RLN2: variants seen among roughly 807,000 people sequenced by gnomAD.
RLN2 encodes the protein prorelaxin H2.
RLN2 carries 10 observed loss-of-function variants against 7.3 expected under a neutral mutation model. The ratio of observed to expected loss-of-function variants is 1.36; its 90% CI spans 0.84 to 2.31. RLN2 has a LOEUF of 2.31. RLN2 is among the 30% of genes most tolerant of loss of function. RLN2 has a pLI of 0.00. For synonymous variants in RLN2, 103 were observed against 82.3 expected, an observed-to-expected ratio of 1.25 and a Z score of -1.36; for missense variants, 298 against 217.6, an observed-to-expected ratio of 1.37 and a Z score of -2.32.
At chr9:5,336,095 T>C in the RLN2 span, among the ~76,000 whole-genome samples, 2 of 152,014 alleles carry the variant, frequency 1.3e-5, no homozygotes, top group African/African-American at 4.8e-5. Context: ...TCCTGGAGGA[T>C]AAAGTTAAAG....
chr9:5,301,325 C>A (rs533658555), intron 1 of RLN2, among the ~76,000 whole-genome samples: 12 of 152,338 alleles, frequency 7.9e-5, no homozygotes, highest in African/African-American at 1.4e-4. Context: ...CTGACATCTT[C>A]CTCCATCTTT....
At chr9:5,329,977 G>A in the RLN2 span, among the ~76,000 whole-genome samples, 329 of 151,918 alleles carry the variant, frequency 2.2e-3, 4 homozygotes, top group African/African-American at 7.3e-3. Context: ...GCACCTCATC[G>A]CATTTATTAT....
the RLN2 span, among the ~76,000 whole-genome samples, chr9:5,320,511 C>A: frequency 1.3e-5 from 2 of 151,668 alleles, no homozygotes; most frequent in Non-Finnish European, 2.9e-5. Context: ...GCTGGAACGA[C>A]AGGTGTGTAC....
the RLN2 span, among the ~76,000 whole-genome samples, chr9:5,316,093 C>A: frequency 6.6e-6 from 1 of 151,860 alleles, no homozygotes; most frequent in South Asian, 2.1e-4. Flanking sequence ...TCATGTATAT[C>A]TTTAGCATGA....
At chr9:5,338,073 G>GT in the RLN2 span, among the ~76,000 whole-genome samples, 2 of 146,318 alleles carry the variant, frequency 1.4e-5, no homozygotes, top group African/African-American at 5.1e-5. Flanking sequence ...CCACTTACTT[G>GT]TTTAATATAA....
chr9:5,325,948 G>T, the RLN2 span, among the ~76,000 whole-genome samples: 2 of 151,992 alleles, frequency 1.3e-5, no homozygotes, highest in African/African-American at 2.4e-5. Context: ...ACACTGGAAA[G>T]TTCTTTTCTC....
the RLN2 span, among the ~76,000 whole-genome samples, chr9:5,329,309 C>CAAAAAAAA: frequency 4.9e-4 from 26 of 53,200 alleles, no homozygotes; most frequent in African/African-American, 9.0e-4. Flanking sequence ...GACTCCATCT[C>CAAAAAAAA]AAAAAAAAAA....
At chr9:5,314,915 C>CCTT in the RLN2 span, among the ~76,000 whole-genome samples, 21 of 151,116 alleles carry the variant, frequency 1.4e-4, 1 homozygote, top group African/African-American at 3.9e-4. Context: ...TGCAGCTGTA[C>CCTT]CTTCTTTCTG....
In RLN2 at chr9:5,300,307, G is replaced by A. The variant is rs1167981900; in HGVS notation, c.349C>T (p.Pro117Ser). 2.5e-6 allele frequency: 4 copies of A among 1,613,316 alleles called. No homozygotes were observed. The highest frequency in any genetic ancestry group is 2.7e-5 in the African/African-American group (2 of 74,892). Residue 117 changes from proline (P) to serine (S), a missense_variant, in exon 2 of 2, where the codon CCT becomes TCT. Pro to Ser is a moderately conservative substitution (Grantham distance 74). Transcript: ENST00000381627. The stretch of plus-strand genomic sequence containing the variant: ...AGAAGACTGGAATCTTTTAATACAG[G>A]TACATGTTGTTGTAGCTGTGGTAAT... ...PALPQLQQHV[P>S]VLKDSSLLFE...
At chr9:5,321,374 C>T in the RLN2 span, among the ~76,000 whole-genome samples, 1 of 151,988 alleles carries the variant, frequency 6.6e-6, no homozygotes, top group East Asian at 1.9e-4. Context: ...TATTCAAATA[C>T]TTCTTTCCCA....
At chr9:5,321,662 A>G in the RLN2 span, among the ~76,000 whole-genome samples, 3 of 151,746 alleles carry the variant, frequency 2.0e-5, no homozygotes, top group African/African-American at 7.3e-5. Flanking sequence ...AGGAAGAAAA[A>G]GGAGGGAAGA....
chr9:5,332,600 T>G, the RLN2 span, among the ~76,000 whole-genome samples: 72 of 150,306 alleles, frequency 4.8e-4, no homozygotes, highest in African/African-American at 1.7e-3. Flanking sequence ...ATGGAGCAAG[T>G]TGAGGGGTCA....
chr9:5,332,430 C>T, the RLN2 span, among the ~76,000 whole-genome samples: 1 of 151,718 alleles, frequency 6.6e-6, no homozygotes, highest in Non-Finnish European at 1.5e-5. Flanking sequence ...AGTATTGTCC[C>T]CTGGATAACT....
chr9:5,324,411 C>T, the RLN2 span, among the ~76,000 whole-genome samples: 1 of 152,110 alleles, frequency 6.6e-6, no homozygotes, highest in African/African-American at 2.4e-5. Context: ...TATAATTTGA[C>T]ATTTAAGTCA....
chr9:5,335,590 T>G, the RLN2 span: 13,321 of 1,596,512 alleles, frequency 8.3e-3, 155 homozygotes, highest in Middle Eastern at 0.025. Context: ...TGAAGGATGG[T>G]ACAATTTCTG....
the RLN2 span, among the ~76,000 whole-genome samples, chr9:5,328,502 C>A: frequency 6.6e-6 from 1 of 151,914 alleles, no homozygotes; most frequent in African/African-American, 2.4e-5. Context: ...ATATTATCCA[C>A]GAGAACTTCC....
rs1467375496 is a variant in RLN2, at chr9:5,300,195, T to C, written c.461A>G (p.Asp154Gly). Residue 154 changes from aspartate to glycine, a missense_variant, in exon 2 of 2, where the codon GAT becomes GGT. Coordinates refer to ENST00000381627, the MANE Select transcript of RLN2 (RefSeq NM_134441.3). ...TTGTCTCTTTTTTCGAGAATGAGTA[T>C]CCAAGCCTAAGTATTTTAATTCTGA... is the stretch of plus-strand genomic sequence containing the variant. ...SPSELKYLGL[D>G]THSRKKRQLY... The C allele has an allele frequency of 3.1e-6, 5 of 1,614,018 alleles. No homozygotes were observed. In the Admixed American group the frequency reaches 8.3e-5, roughly 27 times the overall value.
upstream of RLN2, among the ~76,000 whole-genome samples, chr9:5,306,243 G>T (rs1426645006): frequency 6.6e-6 from 1 of 151,462 alleles, no homozygotes; most frequent in Non-Finnish European, 1.5e-5. Flanking sequence ...AAGTAGCTGG[G>T]ATTACAGGTG....
the RLN2 span, among the ~76,000 whole-genome samples, chr9:5,336,070 G>A: frequency 7.2e-5 from 11 of 151,954 alleles, no homozygotes; most frequent in South Asian, 2.1e-4. Flanking sequence ...TCAATGTTTC[G>A]TGGTGGGAAT....
Sources: allele counts gnomAD v4.1 joint callset (sites outside exome capture counted in the v4.1 genomes callset), GRCh38; gene constraint gnomAD v4.1.1; transcripts MANE v1.5; gene names NCBI Gene and HGNC (gene_info 2026-07-23, HGNC 2026-07-21).